FRA10AC1: variants seen among roughly 807,000 people sequenced by gnomAD.
FRA10AC1 encodes the protein FRA10A associated CGG repeat 1, also known as protein FRA10AC1.
In FRA10AC1, 43 loss-of-function variants were observed where a neutral mutation model predicts 56.5. The ratio of observed to expected loss-of-function variants is 0.76; its 90% CI spans 0.60 to 0.98. The LOEUF (loss-of-function observed/expected upper bound fraction) is 0.98, where lower values mean the gene tolerates loss of function less well. Ranked by LOEUF, FRA10AC1 falls within the 50% of genes least tolerant of loss-of-function variation. FRA10AC1 has a pLI of 0.00. For synonymous variants in FRA10AC1, 112 were observed against 110.5 expected (o/e 1.01, Z -0.09); for missense variants, 346 against 351.8 (o/e 0.98, Z 0.13).
intron 7 of FRA10AC1, among the ~76,000 whole-genome samples, chr10:93,688,576 A>C (rs145456906): frequency 1.3e-5 from 2 of 152,174 alleles, no homozygotes; most frequent in Non-Finnish European, 2.9e-5. Flanking sequence ...GGATGCTGAC[A>C]GTAGGGGATG....
chr10:93,685,329 T>C lies in FRA10AC1; in HGVS notation c.542A>G (p.Asp181Gly). The C allele has an allele frequency of 1.9e-6, 3 of 1,558,442 alleles. No individual in the cohort carries two copies. The highest frequency in any genetic ancestry group is 2.6e-6 in the Non-Finnish European group (3 of 1,132,564). ...GQFFCGNKYC[D>G]KKEGLKSWEV... Reference sequence around the variant, plus strand: ...CCAACTCTTTAAGCCTTCTTTTTTATCACAATATTTATTTCCACAGAAAAA... The same window carrying C: ...CCAACTCTTTAAGCCTTCTTTTTTACCACAATATTTATTTCCACAGAAAAA... The change falls in exon 9 of 14, where the codon GAT becomes GGT. Residue 181 changes from aspartate (D) to glycine (G), a missense_variant. By Grantham distance (94) the Asp-to-Gly change is moderately conservative. Coordinates refer to ENST00000359204, the MANE Select transcript of FRA10AC1 (RefSeq NM_145246.5).
intron 4 of FRA10AC1, among the ~76,000 whole-genome samples, chr10:93,697,598 T>C (rs946734160): frequency 8.5e-5 from 13 of 152,232 alleles, no homozygotes; most frequent in Non-Finnish European, 1.8e-4. Flanking sequence ...GACAAATGGC[T>C]ATAACCAGGA....
chr10:93,671,296 T>C (rs758970547), intron 12 of FRA10AC1: 1 of 152,564 alleles, frequency 6.6e-6, no homozygotes, highest in Non-Finnish European at 1.5e-5. Flanking sequence ...AGTTAAATTA[T>C]TTTAAAAAAA....
intron 4 of FRA10AC1, among the ~76,000 whole-genome samples, chr10:93,696,359 AACTTTGAGACAATAACT>A (rs888612615): frequency 6.6e-6 from 1 of 152,206 alleles, no homozygotes; most frequent in African/African-American, 2.4e-5. Context: ...CTAGCAAGAC[AACTTTGAGACAATAACT>A]ACTCTACTCT....
intron 9 of FRA10AC1, among the ~76,000 whole-genome samples, chr10:93,684,339 A>G (rs545839975): frequency 1.3e-5 from 2 of 152,322 alleles, no homozygotes; most frequent in Non-Finnish European, 2.9e-5. Flanking sequence ...ATGTGTTGTC[A>G]ATTTGTTCCA....
At chr10:93,673,589 C>T (rs762144476) in intron 12 of FRA10AC1, 6 of 354,230 alleles carry the variant, frequency 1.7e-5, no homozygotes, top group Non-Finnish European at 2.8e-5. Flanking sequence ...GCAAATGTCT[C>T]CAATAATCAT....
At chr10:93,691,747 C>A (rs2059126948) in intron 7 of FRA10AC1, among the ~76,000 whole-genome samples, 1 of 152,156 alleles carries the variant, frequency 6.6e-6, no homozygotes, top group South Asian at 2.1e-4. Context: ...GGATCCAATA[C>A]CCACTTGCGT....
chr10:93,676,770 G>T lies in FRA10AC1; in HGVS notation c.788-79C>A. On this transcript the variant is annotated intron_variant, in intron 11 of 13. Coordinates refer to ENST00000359204, the MANE Select transcript of FRA10AC1 (RefSeq NM_145246.5). ...ATTGTAGCTATAACCAGAATTCTTA[G>T]CAATATTCTAGTTTGCTTATAGTCT... The T allele has an allele frequency of 3.4e-6, 5 of 1,452,772 alleles. No homozygotes were observed. In the South Asian group the frequency reaches 4.3e-5, roughly 12 times the overall value. The allele number at this position is 1,452,772 out of a possible 1,614,324, so 90.0% of individuals were successfully genotyped here.
At chr10:93,682,951 TA>T (rs1436153869) in intron 10 of FRA10AC1, among the ~76,000 whole-genome samples, 2 of 152,096 alleles carry the variant, frequency 1.3e-5, no homozygotes, top group African/African-American at 4.8e-5. Flanking sequence ...CCCATGTGAT[TA>T]AAAAAAAGAA....
chr10:93,699,925 T>C (rs2059301134), intron 2 of FRA10AC1, 105 bp downstream of exon 2: 1 of 648,130 alleles, frequency 1.5e-6, no homozygotes, highest in Non-Finnish European at 2.7e-6. Context: ...AGAGCAATTG[T>C]CTTCACATGT....
chr10:93,671,745 T>C (rs2058765311), intron 12 of FRA10AC1: 2 of 279,012 alleles, frequency 7.2e-6, no homozygotes, highest in Non-Finnish European at 1.4e-5. Context: ...TAAAAACATA[T>C]GCACATTATA....
chr10:93,689,910 T>C (rs992581589), intron 7 of FRA10AC1, among the ~76,000 whole-genome samples: 1 of 152,200 alleles, frequency 6.6e-6, no homozygotes, highest in African/African-American at 2.4e-5. Context: ...AAATAAACTT[T>C]CCAGCTCATT....
chr10:93,670,705 G>T, intron 13 of FRA10AC1, 65 bp downstream of exon 13: 1 of 1,018,446 alleles, frequency 9.8e-7, no homozygotes, highest in Non-Finnish European at 1.5e-6. Flanking sequence ...CATTAATAAA[G>T]CTGTGGTTAT....
At position 93,702,516 on chromosome 10, in the gene FRA10AC1, A is replaced by ACCGCCGCCGCCGCCG. The variant is rs1346769827; in HGVS notation, c.-143_-142insCGGCGGCGGCGGCGG. 11 of 151,890 alleles carry ACCGCCGCCGCCGCCG rather than the reference A, an allele frequency of 7.2e-5. No homozygotes were observed. The highest frequency in any genetic ancestry group is 3.8e-4 in the South Asian group (6 of 15,836). 9.4% of individuals were successfully genotyped at this position (151,890 alleles called of 1,614,324 possible). Reference sequence around the variant, plus strand: ...CGCCCTGCCGCACAGCCTCGCCACAACCACCACCGCCGCCGCCGCCGCCGC... The same window carrying ACCGCCGCCGCCGCCG: ...CGCCCTGCCGCACAGCCTCGCCACAACCGCCGCCGCCGCCGCCACCACCGCCGCCGCCGCCGCCGC... On this transcript the variant is annotated 5_prime_UTR_variant, in exon 1 of 14. Transcript: ENST00000359204.
chr10:93,692,338 T>C (rs568050897), intron 6 of FRA10AC1, among the ~76,000 whole-genome samples: 1 of 152,278 alleles, frequency 6.6e-6, no homozygotes, highest in South Asian at 2.1e-4. Context: ...TTGTAATGTT[T>C]GGATTTAAAA....
chr10:93,698,496 CTTAACT>C, intron 2 of FRA10AC1, 100 bp from the exon 3 acceptor site: 1 of 649,402 alleles, frequency 1.5e-6, no homozygotes, highest in South Asian at 2.5e-5. Flanking sequence ...GAATGTAAGT[CTTAACT>C]TTAAGAAGAC....
rs2059205993 is a variant in FRA10AC1 at position 93,694,909 on chromosome 10, T to C, written c.248A>G (p.Asp83Gly). The C allele has an allele frequency of 1.3e-6, 2 of 1,579,122 alleles. No homozygotes were observed. The highest frequency in any genetic ancestry group is 1.7e-6 in the Non-Finnish European group (2 of 1,148,440). Residue 83 changes from aspartate (D) to glycine (G), a missense_variant, in exon 5 of 14, where the codon GAC becomes GGC. Coordinates refer to ENST00000359204, the MANE Select transcript of FRA10AC1 (RefSeq NM_145246.5). ...TTTGCCACCATAGTATAAAATATAG[T>C]CATTTACGAACTTTGTATGTCTTTG... ...AYQRHTKFVN[D>G]YILYYGGKKE...
chr10:93,679,368 G>A (rs11187581), intron 11 of FRA10AC1, among the ~76,000 whole-genome samples: 60,530 of 151,980 alleles, frequency 0.4, 14,508 homozygotes, highest in Non-Finnish European at 0.52. Context: ...GTGTAATAAT[G>A]GAAAGTGTCA....
intron 12 of FRA10AC1, chr10:93,673,515 G>A (rs1436535743): frequency 2.7e-6 from 1 of 366,582 alleles, no homozygotes; most frequent in African/African-American, 2.1e-5. Context: ...ATGAAAGTAG[G>A]TCTATCATCT....
Sources: allele counts gnomAD v4.1 joint callset (sites outside exome capture counted in the v4.1 genomes callset), GRCh38; gene constraint gnomAD v4.1.1; transcripts MANE v1.5; gene names NCBI Gene and HGNC (gene_info 2026-07-23, HGNC 2026-07-21).